Variants in GUCA2A observed in about 807,000 individuals in gnomAD.
GUCA2A encodes the protein guanylin.
Under a neutral mutation model 11.2 loss-of-function variants are expected in GUCA2A, and 17 were observed. The ratio of observed to expected loss-of-function variants is 1.52; its 90% CI spans 1.04 to 2.28. The LOEUF is 2.28. GUCA2A is among the 30% of genes most tolerant of loss of function. GUCA2A has a pLI of 0.00. For synonymous variants in GUCA2A, 64 were observed against 57.1 expected, an observed-to-expected ratio of 1.12 and a Z score of -0.54; for missense variants, 173 against 139.3, an observed-to-expected ratio of 1.24 and a Z score of -1.22.
intron 1 of GUCA2A, among the ~76,000 whole-genome samples, chr1:42,164,380 A>G (rs1306264196): frequency 1.3e-5 from 2 of 152,242 alleles, no homozygotes; most frequent in Non-Finnish European, 2.9e-5. Flanking sequence ...GCCGGCACAT[A>G]GGACACTCAG....
intron 1 of GUCA2A, 26 bp downstream of exon 1, chr1:42,164,612 G>A (rs760921645): frequency 2.1e-6 from 3 of 1,443,714 alleles, no homozygotes; most frequent in Middle Eastern, 4.5e-4. Flanking sequence ...GAGCCAGCTG[G>A]GCCGGGGTAG....
At chr1:42,163,645 T>C (rs1184502530) in intron 1 of GUCA2A, 35 bp from the exon 2 acceptor site, 4 of 1,440,338 alleles carry the variant, frequency 2.8e-6, no homozygotes. Context: ...GAGGCCAGGC[T>C]GCAGCCTGCT....
intron 1 of GUCA2A, 139 bp from the exon 2 acceptor site, chr1:42,163,749 G>C: frequency 1.6e-6 from 1 of 622,846 alleles, no homozygotes; most frequent in Non-Finnish European, 2.8e-6. Context: ...TCCACAGTGG[G>C]GCACTGTGAG....
Position 42,164,714 on chromosome 1 carries a change from G to T in GUCA2A, c.-2C>A. 1 of 1,545,312 alleles carries T rather than the reference G, an allele frequency of 6.5e-7. No homozygotes were observed. Among genetic ancestry groups the T allele is most frequent in the Non-Finnish European group, 8.8e-7 (1 of 1,140,752 alleles). On this transcript the variant is annotated 5_prime_UTR_variant, in exon 1 of 3. Transcript: ENST00000357001. ...TGCGGAGAGCAGGAAGGCATTCATGGCAGCAGTGCCCGAGAGAGGGGTGGC... is the reference window on the plus strand; with the variant it reads ...TGCGGAGAGCAGGAAGGCATTCATGTCAGCAGTGCCCGAGAGAGGGGTGGC...
chr1:42,163,727 G>C, intron 1 of GUCA2A, 117 bp from the exon 2 acceptor site: 2 of 664,014 alleles, frequency 3.0e-6, no homozygotes, highest in Non-Finnish European at 5.2e-6. Context: ...GTGGCATATG[G>C]GAGCCAGGCG....
chr1:42,163,014 G>A (rs371029867), intron 2 of GUCA2A, 44 bp from the exon 3 acceptor site: 3 of 1,497,248 alleles, frequency 2.0e-6, no homozygotes, highest in Admixed American at 1.7e-5. Context: ...GCATTTCCTC[G>A]CGAGGCCCCT....
Position 42,162,841 on chromosome 1 carries a change from G to T in GUCA2A, c.*65C>A. On this transcript the variant is annotated 3_prime_UTR_variant, in exon 3 of 3. Coordinates refer to ENST00000357001, the MANE Select transcript of GUCA2A (RefSeq NM_033553.3). ...TGCTGGGAGTGGAGTATCATGGGTGGCCCTTTCTGCAGGAGAAAAGAGCTT... is the reference window on the plus strand; with the variant it reads ...TGCTGGGAGTGGAGTATCATGGGTGTCCCTTTCTGCAGGAGAAAAGAGCTT... 1.5e-6 allele frequency: 2 copies of T among 1,294,702 alleles called. No individual in the cohort carries two copies. The highest frequency in any genetic ancestry group is 2.2e-6 in the Non-Finnish European group (2 of 889,754). 80.2% of individuals were successfully genotyped at this position (1,294,702 alleles called of 1,614,324 possible).
chr1:42,162,851 C>T lies in GUCA2A; in HGVS notation c.*55G>A. ...GGAGTATCATGGGTGGCCCTTTCTGCAGGAGAAAAGAGCTTCCCTGCTGCG... is the reference window on the plus strand; with the variant it reads ...GGAGTATCATGGGTGGCCCTTTCTGTAGGAGAAAAGAGCTTCCCTGCTGCG... On this transcript the variant is annotated 3_prime_UTR_variant, in exon 3 of 3. Transcript: ENST00000357001. 1 of 1,432,466 alleles carries T rather than the reference C, an allele frequency of 7.0e-7. No individual in the cohort carries two copies. Among genetic ancestry groups the T allele is most frequent in the Non-Finnish European group, 9.8e-7 (1 of 1,015,238 alleles). 88.7% of individuals were successfully genotyped at this position (1,432,466 alleles called of 1,614,324 possible).
chr1:42,162,890 C>T lies in GUCA2A; in HGVS notation c.*16G>A. On this transcript the variant is annotated 3_prime_UTR_variant, in exon 3 of 3. Coordinates refer to ENST00000357001, the MANE Select transcript of GUCA2A (RefSeq NM_033553.3). Reference sequence around the variant, plus strand: ...TTCCCTGCTGCGGAGGGGAGGCAGGCAGTGGGCAAGCCCCCCTAGCATCCG... The same window carrying T: ...TTCCCTGCTGCGGAGGGGAGGCAGGTAGTGGGCAAGCCCCCCTAGCATCCG... 2 of 1,604,174 alleles carry T rather than the reference C, an allele frequency of 1.2e-6. No homozygotes were observed. The highest frequency in any genetic ancestry group is 8.5e-7 in the Non-Finnish European group (1 of 1,171,132).
At chr1:42,164,520 C>G in intron 1 of GUCA2A, 118 bp downstream of exon 1, 1 of 652,054 alleles carries the variant, frequency 1.5e-6, no homozygotes, top group South Asian at 1.8e-5. Flanking sequence ...CGAAGAAGGC[C>G]AAGCCTGGGA....
In GUCA2A at chr1:42,164,619, G is replaced by A. The variant is rs753683571; in HGVS notation, c.75+19C>T. On this transcript the variant is annotated intron_variant, in intron 1 of 2. Coordinates refer to ENST00000357001, the MANE Select transcript of GUCA2A (RefSeq NM_033553.3). ...GGGGCAGGGAGCCAGCTGGGCCGGG[G>A]TAGGGACACAGGACTCACCTGCACG... is the stretch of plus-strand genomic sequence containing the variant. The A allele has an allele frequency of 3.4e-6, 5 of 1,490,480 alleles. No homozygotes were observed. The highest frequency in any genetic ancestry group is 2.1e-4 in the Middle Eastern group (1 of 4,694). 92.3% of individuals were successfully genotyped at this position (1,490,480 alleles called of 1,614,324 possible).
At position 42,164,644 on chromosome 1, in the gene GUCA2A, G is replaced by T. The variant is rs1416926218; in HGVS notation, c.69C>A (p.Thr23=). The part of the protein sequence containing the change: ...GAWAALAGGV[T]VQDGNFSFSL... ...GTAGGGACACAGGACTCACCTGCAC[G>T]GTGACCCCTCCTGCCAAGGCGGCCC... The change falls in exon 1 of 3, where the codon ACC becomes ACA. Residue 23 remains threonine (T), a synonymous_variant. Transcript: ENST00000357001. 5 of 1,545,120 alleles carry T rather than the reference G, an allele frequency of 3.2e-6. No individual in the cohort carries two copies. The highest frequency in any genetic ancestry group is 1.2e-5 in the South Asian group (1 of 83,930).
chr1:42,164,593 A>G, intron 1 of GUCA2A, 45 bp downstream of exon 1: 2 of 1,135,820 alleles, frequency 1.8e-6, no homozygotes, highest in Non-Finnish European at 2.6e-6. Context: ...CCTGGGCACT[A>G]GGGGCAGGGA....
chr1:42,163,177 G>A (rs898984807), intron 2 of GUCA2A, among the ~76,000 whole-genome samples: 2 of 152,122 alleles, frequency 1.3e-5, no homozygotes, highest in African/African-American at 4.8e-5. Context: ...CAGAAAGAGA[G>A]GAAACTAAGA....
rs181469177 is a variant in GUCA2A, at chr1:42,163,998, G to C, written c.76-388C>G. On this transcript the variant is annotated intron_variant, in intron 1 of 2. Coordinates refer to ENST00000357001, the MANE Select transcript of GUCA2A (RefSeq NM_033553.3). ...GGCTGTCTTTCCCCTGCCTGAGAGC[G>C]GTGCGGCTGATTACTGGGCCCCCAG... Among the ~76,000 whole-genome samples the C allele has an allele frequency of 4.6e-4, 70 of 152,342 alleles. No homozygotes were observed. The South Asian group carries it at 0.013, about 29-fold the overall frequency.
rs1272150621 is a variant in GUCA2A at position 42,164,701 on chromosome 1, G to A, written c.12C>T (p.Phe4=). MNA[F]LLSALCLLGA... ...CAAGGAGGCACAGTGCGGAGAGCAGGAAGGCATTCATGGCAGCAGTGCCCG... is the reference window on the plus strand; with the variant it reads ...CAAGGAGGCACAGTGCGGAGAGCAGAAAGGCATTCATGGCAGCAGTGCCCG... Residue 4 remains phenylalanine (F), a synonymous_variant, in exon 1 of 3, where the codon TTC becomes TTT. Transcript: ENST00000357001. 2.6e-6 allele frequency: 4 copies of A among 1,550,008 alleles called. No individual in the cohort carries two copies. The highest frequency in any genetic ancestry group is 3.5e-6 in the Non-Finnish European group (4 of 1,145,020).
chr1:42,162,724 A>C lies in GUCA2A; in HGVS notation c.*182T>G. The C allele has an allele frequency of 1.7e-6, 1 of 603,990 alleles. No individual in the cohort carries two copies. Among genetic ancestry groups the C allele is most frequent in the South Asian group, 2.0e-5 (1 of 51,226 alleles). The allele number at this position is 603,990 out of a possible 1,614,324, so 37.4% of individuals were successfully genotyped here. On this transcript the variant is annotated 3_prime_UTR_variant, in exon 3 of 3. Transcript: ENST00000357001. ...ATCTGGTTTATTAGCTGGGGGTTGAAGTGGCAGGGAAGGACAGTGTTGGGG... is the reference window on the plus strand; with the variant it reads ...ATCTGGTTTATTAGCTGGGGGTTGACGTGGCAGGGAAGGACAGTGTTGGGG...
Position 42,163,402 on chromosome 1 carries a change from C to T in GUCA2A, c.283+1G>A. The T allele has an allele frequency of 2.5e-6, 4 of 1,591,288 alleles. No individual in the cohort carries two copies. Among genetic ancestry groups the T allele is most frequent in the African/African-American group, 1.3e-5 (1 of 74,628 alleles). On this transcript the variant is annotated splice_donor_variant, in intron 2 of 2. Coordinates refer to ENST00000357001, the MANE Select transcript of GUCA2A (RefSeq NM_033553.3). LOFTEE classifies it high-confidence loss of function. ...AATCAGAGAGGAAGGAGGCTGCTCA[C>T]CCAGCCTCTGAAGTATCTCCTGGGC...
chr1:42,164,693 G>A lies in GUCA2A; in HGVS notation c.20C>T (p.Ser7Phe), dbSNP rs2071499. 0.59 allele frequency: 910,214 copies of A among 1,548,142 alleles called. 278,734 individuals are homozygous for A. Among genetic ancestry groups the A allele is most frequent in the Non-Finnish European group, 0.63 (721,388 of 1,143,472 alleles). MNAFLL[S>F]ALCLLGAWAA... ...CCAGGCCCCAAGGAGGCACAGTGCG[G>A]AGAGCAGGAAGGCATTCATGGCAGC... The change falls in exon 1 of 3, where the codon TCC becomes TTC. Residue 7 changes from serine (S) to phenylalanine (F), a missense_variant. Physicochemically the swap from Ser to Phe is radical, Grantham distance 155. Transcript: ENST00000357001.
Sources: allele counts gnomAD v4.1 joint callset (sites outside exome capture counted in the v4.1 genomes callset), GRCh38; gene constraint gnomAD v4.1.1; transcripts MANE v1.5; gene names NCBI Gene and HGNC (gene_info 2026-07-23, HGNC 2026-07-21).